Variants in CTNND2 observed in about 807,000 individuals in gnomAD.
CTNND2 encodes the protein catenin delta-2.
A neutral mutation model predicts 144.4 loss-of-function variants in CTNND2; 22 were observed. The ratio of observed to expected loss-of-function variants is 0.15; its 90% CI spans 0.11 to 0.22. The LOEUF is 0.22. Ranked by LOEUF, CTNND2 falls within the 10% of genes least tolerant of loss-of-function variation. CTNND2 has a pLI of 1.00. For missense variants in CTNND2, 1,353 were observed against 1,618.8 expected, an observed-to-expected ratio of 0.84 and a Z score of 2.82; for synonymous variants, 751 against 695.6, an observed-to-expected ratio of 1.08 and a Z score of -1.25.
At chr5:11,524,230 G>T (rs1158578648) in intron 3 of CTNND2, among the ~76,000 whole-genome samples, 1 of 152,114 alleles carries the variant, frequency 6.6e-6, no homozygotes, top group African/African-American at 2.4e-5. Flanking sequence ...TTCAGCCTTT[G>T]CAGACACTCA....
chr5:11,660,697 C>A (rs1041717052), intron 2 of CTNND2, among the ~76,000 whole-genome samples: 2 of 152,042 alleles, frequency 1.3e-5, no homozygotes, highest in Non-Finnish European at 2.9e-5. Flanking sequence ...GATAGTGGTA[C>A]CCTTAAAAAA....
intron 12 of CTNND2, among the ~76,000 whole-genome samples, chr5:11,128,779 A>ATATATAAT (rs371018522): frequency 2.1e-3 from 136 of 65,420 alleles, no homozygotes; most frequent in African/African-American, 8.7e-3. Flanking sequence ...TTATATATAA[A>ATATATAAT]ATATATAAAT....
intron 3 of CTNND2, among the ~76,000 whole-genome samples, chr5:11,485,162 T>C (rs55939612): frequency 1.2e-3 from 182 of 152,278 alleles, no homozygotes; most frequent in Middle Eastern, 3.4e-3. Context: ...TATTATAATA[T>C]GCCTAGCATA....
At chr5:11,507,591 G>C (rs1771187929) in intron 3 of CTNND2, among the ~76,000 whole-genome samples, 2 of 152,346 alleles carry the variant, frequency 1.3e-5, no homozygotes, top group East Asian at 1.9e-4. Flanking sequence ...AGGGGATCAA[G>C]AGCAACAAGC....
chr5:11,422,179 A>G (rs1762419224), intron 3 of CTNND2, among the ~76,000 whole-genome samples: 2 of 152,138 alleles, frequency 1.3e-5, no homozygotes, highest in African/African-American at 4.8e-5. Context: ...TATCAAAAAT[A>G]TAAGTTACAG....
chr5:11,766,643 G>A (rs958762367), intron 1 of CTNND2, among the ~76,000 whole-genome samples: 15 of 152,120 alleles, frequency 9.9e-5, no homozygotes, highest in East Asian at 5.8e-4. Flanking sequence ...TATCAGCAGC[G>A]TGAAAACTAA....
intron 11 of CTNND2, among the ~76,000 whole-genome samples, chr5:11,167,750 C>T (rs1759487341): frequency 6.7e-6 from 1 of 150,002 alleles, no homozygotes; most frequent in African/African-American, 2.5e-5. Flanking sequence ...GGTTAGAGTG[C>T]AGCGGCGTGA....
chr5:11,146,459 A>G lies in CTNND2; in HGVS notation c.2159+13117T>C, dbSNP rs552185538. 1.4e-4 allele frequency among the ~76,000 whole-genome samples: 21 copies of G among 152,340 alleles called. No individual in the cohort carries two copies. The East Asian group carries it at 2.1e-3, about 15-fold the overall frequency. ...TTTGTGGCTTTCTACCAAGGGCTCC[A>G]GGGTAAACTGCTAAACCTCTCTAAG... On this transcript the variant is annotated intron_variant, in intron 12 of 21. Coordinates refer to ENST00000304623, the MANE Select transcript of CTNND2 (RefSeq NM_001332.4).
At chr5:11,780,586 G>T (rs1790493510) in intron 1 of CTNND2, among the ~76,000 whole-genome samples, 5 of 152,148 alleles carry the variant, frequency 3.3e-5, no homozygotes, top group Admixed American at 3.3e-4. Context: ...GCAGGCCTCT[G>T]AACTAGAATG....
intron 6 of CTNND2, among the ~76,000 whole-genome samples, chr5:11,387,537 A>G (rs1448740625): frequency 1.3e-5 from 2 of 152,144 alleles, no homozygotes; most frequent in Non-Finnish European, 2.9e-5. Context: ...GGGGTTCCCT[A>G]TCAACTGGGG....
At chr5:11,152,300 A>C (rs1224201086) in intron 12 of CTNND2, among the ~76,000 whole-genome samples, 1 of 152,206 alleles carries the variant, frequency 6.6e-6, no homozygotes, top group Non-Finnish European at 1.5e-5. Context: ...ACTAAGTGCA[A>C]AGTATTACCT....
rs1167270782 is a variant in CTNND2, at chr5:11,071,510, T to C, written c.2788+11186A>G. Among the ~76,000 whole-genome samples, 3 of 151,978 alleles carry C rather than the reference T, an allele frequency of 2.0e-5. No homozygotes were observed. The East Asian group carries it at 5.8e-4, about 29-fold the overall frequency. ...AGCTGAGATTGTACCACTGTACTCC[T>C]GAGTGACAGAGCCTGAGTGACAAAG... On this transcript the variant is annotated intron_variant, in intron 16 of 21. Coordinates refer to ENST00000304623, the MANE Select transcript of CTNND2 (RefSeq NM_001332.4).
chr5:11,345,954 G>A (rs1332990305), intron 9 of CTNND2, among the ~76,000 whole-genome samples: 1 of 152,076 alleles, frequency 6.6e-6, no homozygotes, highest in Non-Finnish European at 1.5e-5. Flanking sequence ...TTTTACTATA[G>A]CTTGGAAGGT....
intron 11 of CTNND2, among the ~76,000 whole-genome samples, chr5:11,169,429 T>TA (rs1759679709): frequency 6.6e-6 from 1 of 152,160 alleles, no homozygotes; most frequent in South Asian, 2.1e-4. Context: ...TGGTAAAAAA[T>TA]AGAGTCTGGC....
chr5:11,522,187 T>A (rs928097895), intron 3 of CTNND2, among the ~76,000 whole-genome samples: 1 of 152,244 alleles, frequency 6.6e-6, no homozygotes, highest in African/African-American at 2.4e-5. Context: ...TTTCTGAATC[T>A]CTATGTGTTA....
chr5:11,170,143 A>G (rs1165969733), intron 11 of CTNND2, among the ~76,000 whole-genome samples: 1 of 152,226 alleles, frequency 6.6e-6, no homozygotes, highest in African/African-American at 2.4e-5. Context: ...GGGAAAATGA[A>G]GGTCAGATAA....
At chr5:11,472,890 A>G (rs1418828981) in intron 3 of CTNND2, among the ~76,000 whole-genome samples, 1 of 152,146 alleles carries the variant, frequency 6.6e-6, no homozygotes, top group Admixed American at 6.6e-5. Flanking sequence ...ACCTTTACTG[A>G]TTAAATTTGA....
chr5:11,518,968 A>C (rs746726191), intron 3 of CTNND2, among the ~76,000 whole-genome samples: 2 of 152,126 alleles, frequency 1.3e-5, no homozygotes, highest in Non-Finnish European at 2.9e-5. Context: ...AAGTACGTCC[A>C]CTGGCTCTCC....
chr5:11,821,407 G>C (rs969081354), intron 1 of CTNND2, among the ~76,000 whole-genome samples: 1 of 152,118 alleles, frequency 6.6e-6, no homozygotes, highest in African/African-American at 2.4e-5. Context: ...AGAATTCATA[G>C]AGTAAATTGT....
Sources: gnomAD v4.1 joint callset for allele counts (sites outside exome capture counted in the v4.1 genomes callset) on GRCh38, gnomAD v4.1.1 for gene constraint, MANE v1.5 for transcripts, NCBI Gene and HGNC (gene_info 2026-07-23, HGNC 2026-07-21) for gene names.